The following TPCN1 variants were observed in gnomAD, a reference collection of about 807,000 sequenced individuals.
TPCN1 encodes the protein two pore segment channel 1.
TPCN1 carries 52 observed loss-of-function variants against 108.8 expected under a neutral mutation model. That is an observed-to-expected ratio of 0.48 (90% CI 0.38 to 0.60). TPCN1 has a LOEUF of 0.60. Among genes scored for constraint, TPCN1 ranks in the 20% least tolerant of loss-of-function variants. The pLI is 0.00. For synonymous variants in TPCN1, 446 were observed against 433.7 expected (o/e 1.03, Z -0.35); for missense variants, 806 against 1,072.8 (o/e 0.75, Z 3.47).
Position 113,295,936 on chromosome 12 carries a change from C to T in TPCN1, c.2335-24C>T, listed in dbSNP as rs375868196. 6 of 1,560,722 alleles carry T rather than the reference C, an allele frequency of 3.8e-6. No individual in the cohort carries two copies. The African/African-American group carries it at 6.8e-5, about 18-fold the overall frequency. Reference sequence around the variant, plus strand: ...GCAGGGGGTGGGGTGCAGCCCTCAGCACCCCTTCTGCTCTCTTCTCCAGGA... The same window carrying T: ...GCAGGGGGTGGGGTGCAGCCCTCAGTACCCCTTCTGCTCTCTTCTCCAGGA... On this transcript the variant is annotated intron_variant, in intron 27 of 27. Transcript: ENST00000335509.
In TPCN1 at chr12:113,296,165, C is replaced by A; in HGVS notation, c.*89C>A. 1 of 1,529,852 alleles carries A rather than the reference C, an allele frequency of 6.5e-7. No individual in the cohort carries two copies. The highest frequency in any genetic ancestry group is 8.9e-7 in the Non-Finnish European group (1 of 1,125,318). The allele number at this position is 1,529,852 out of a possible 1,614,324, so 94.8% of individuals were successfully genotyped here. On this transcript the variant is annotated 3_prime_UTR_variant, in exon 28 of 28. Transcript: ENST00000335509. ...CGGAACTGCGGTGTGTGTACACATA[C>A]TCACGTATATGCACATATTTATATA...
At position 113,269,937 on chromosome 12, in the gene TPCN1, C is replaced by T; in HGVS notation, c.748+92C>T. On this transcript the variant is annotated intron_variant, in intron 7 of 27. Coordinates refer to ENST00000335509, the MANE Select transcript of TPCN1 (RefSeq NM_017901.6). The surrounding 1 kb of genome is among the most constrained non-coding windows in gnomAD (Gnocchi z 5.0). ...TTGGGCCTGGCTCAGTGGCTCACGC[C>T]TGTAATCCTAGCATTTTGGGAGGCC... The T allele has an allele frequency of 7.1e-7, 1 of 1,398,744 alleles. No homozygotes were observed. The highest frequency in any genetic ancestry group is 1.0e-6 in the Non-Finnish European group (1 of 1,001,242). The allele number at this position is 1,398,744 out of a possible 1,614,324, so 86.6% of individuals were successfully genotyped here. A position where few individuals can be genotyped will look rare whatever the true frequency, so the allele number is the denominator to read the frequency against.
intron 1 of TPCN1, among the ~76,000 whole-genome samples, chr12:113,224,647 C>T (rs531821731): frequency 2.0e-5 from 3 of 152,318 alleles, no homozygotes; most frequent in South Asian, 2.1e-4. Context: ...CCGCCCGCCT[C>T]GGCCTCCCAA....
chr12:113,260,315 T>C, intron 2 of TPCN1, 53 bp from the exon 3 acceptor site: 1 of 1,457,214 alleles, frequency 6.9e-7, no homozygotes. Context: ...AAACGGTGTC[T>C]TTTTGCTCTT....
intron 18 of TPCN1, among the ~76,000 whole-genome samples, chr12:113,286,463 G>GGGT (rs1956086720): frequency 6.6e-6 from 1 of 152,124 alleles, no homozygotes. Flanking sequence ...GGAGTTGGGA[G>GGGT]GAGCCGACAG....
intron 10 of TPCN1, among the ~76,000 whole-genome samples, chr12:113,274,309 G>T (rs770259625): frequency 6.6e-6 from 1 of 152,054 alleles, no homozygotes; most frequent in Non-Finnish European, 1.5e-5. Flanking sequence ...TTAGCTGGGC[G>T]TGGTGGTGGG....
intron 1 of TPCN1, among the ~76,000 whole-genome samples, chr12:113,225,739 A>G (rs1239260177): frequency 6.6e-6 from 1 of 151,772 alleles, no homozygotes; most frequent in African/African-American, 2.4e-5. Flanking sequence ...AATTTTTGGT[A>G]GAGATGGGTT....
chr12:113,252,666 G>A (rs1954688777), intron 2 of TPCN1, among the ~76,000 whole-genome samples: 1 of 152,226 alleles, frequency 6.6e-6, no homozygotes, highest in African/African-American at 2.4e-5. Flanking sequence ...GGGGCATGTG[G>A]AGGTCGTGGA....
At chr12:113,225,387 C>G (rs1274695169) in intron 1 of TPCN1, 5 of 359,670 alleles carry the variant, frequency 1.4e-5, no homozygotes, top group African/African-American at 1.1e-4. Flanking sequence ...CTTTACAAAA[C>G]TTACAAATAA....
At position 113,232,842 on chromosome 12, in the gene TPCN1, G is replaced by T. The variant is rs1420553272; in HGVS notation, c.112+5878G>T. Among the ~76,000 whole-genome samples the T allele has an allele frequency of 6.6e-6, 1 of 152,184 alleles. No homozygotes were observed. Among genetic ancestry groups the T allele is most frequent in the African/African-American group, 2.4e-5 (1 of 41,448 alleles). On this transcript the variant is annotated intron_variant, in intron 2 of 27. Coordinates refer to ENST00000335509, the MANE Select transcript of TPCN1 (RefSeq NM_017901.6). This position sits in a 1 kb window ranked among gnomAD's most constrained non-coding sequence, Gnocchi z 5.6. Reference sequence around the variant, plus strand: ...AGCAGAGGTCCTGAACCCAGGCCACGATTCAGATCCTTCTTGCCTCACTCC... The same window carrying T: ...AGCAGAGGTCCTGAACCCAGGCCACTATTCAGATCCTTCTTGCCTCACTCC...
chr12:113,280,372 C>T, intron 15 of TPCN1, 177 bp downstream of exon 15: 1 of 502,560 alleles, frequency 2.0e-6, no homozygotes, highest in Non-Finnish European at 3.6e-6. Context: ...GTGCCCATCA[C>T]CCATCTGTAT....
Position 113,289,447 on chromosome 12 carries a change from G to A in TPCN1, c.1796+600G>A, listed in dbSNP as rs1399271484. 1.3e-5 allele frequency among the ~76,000 whole-genome samples: 2 copies of A among 152,218 alleles called. No homozygotes were observed. Among genetic ancestry groups the A allele is most frequent in the Non-Finnish European group, 2.9e-5 (2 of 68,032 alleles). On this transcript the variant is annotated intron_variant, in intron 21 of 27. Transcript: ENST00000335509. This position sits in a 1 kb window ranked among gnomAD's most constrained non-coding sequence, Gnocchi z 4.1. ...GGTAGCTTTGAGACCCAGTTTGAGT[G>A]TCAAGCTTGGTCTGGAACCAGAAGC... is the stretch of plus-strand genomic sequence containing the variant.
rs1955279430 is a variant in TPCN1 at position 113,266,791 on chromosome 12, C to T, written c.414+435C>T. On this transcript the variant is annotated intron_variant, in intron 4 of 27. Transcript: ENST00000335509. The surrounding 1 kb of genome is among the most constrained non-coding windows in gnomAD (Gnocchi z 4.2). The stretch of plus-strand genomic sequence containing the variant: ...CCTACACCCAGGCCCAGCCATCATT[C>T]AGTGGGGGCCAGAACAGGTGTGGAG... Among the ~76,000 whole-genome samples, 1 of 152,236 alleles carries T rather than the reference C, an allele frequency of 6.6e-6. No homozygotes were observed. The highest frequency in any genetic ancestry group is 2.4e-5 in the African/African-American group (1 of 41,460).
intron 14 of TPCN1, among the ~76,000 whole-genome samples, chr12:113,279,381 ATATATATATATTT>A: frequency 4.4e-5 from 1 of 22,504 alleles, no homozygotes; most frequent in African/African-American, 2.5e-4. Flanking sequence ...ATATATATAT[ATATATATATATTT>A]TTTTTTTTTT....
chr12:113,288,528 T>C lies in TPCN1; in HGVS notation c.1707-230T>C, dbSNP rs1196363690. 1.3e-6 allele frequency: 2 copies of C among 1,487,662 alleles called. No individual in the cohort carries two copies. Among genetic ancestry groups the C allele is most frequent in the Non-Finnish European group, 1.8e-6 (2 of 1,120,614 alleles). The allele number at this position is 1,487,662 out of a possible 1,614,324, so 92.2% of individuals were successfully genotyped here. ...TCACCTGTGAGTCTACCTTCACAGG[T>C]AAGGGGTGAATCTCTGGGAAAGGGG... On this transcript the variant is annotated intron_variant, in intron 20 of 27. Coordinates refer to ENST00000335509, the MANE Select transcript of TPCN1 (RefSeq NM_017901.6). The surrounding 1 kb of genome is among the most constrained non-coding windows in gnomAD (Gnocchi z 4.8).
rs1954285635 is a variant in TPCN1, at chr12:113,244,719, G to A, written c.113-15649G>A. 4 of 985,300 alleles carry A rather than the reference G, an allele frequency of 4.1e-6. No homozygotes were observed. The South Asian group carries it at 1.9e-4, about 46-fold the overall frequency. 61.0% of individuals were successfully genotyped at this position (985,300 alleles called of 1,614,324 possible). A position where few individuals can be genotyped will look rare whatever the true frequency, so the allele number is the denominator to read the frequency against. ...CTCGTTGTCATTCTGGTAGGCGCTG[G>A]TTTCCGGAGGGCTCCGAGTGCTTTG... On this transcript the variant is annotated intron_variant, in intron 2 of 27. Transcript: ENST00000335509.
intron 2 of TPCN1, among the ~76,000 whole-genome samples, chr12:113,235,846 C>G (rs1593083143): frequency 6.6e-6 from 1 of 152,042 alleles, no homozygotes; most frequent in East Asian, 1.9e-4. Flanking sequence ...TCCAGATTGG[C>G]TTTAGAGATC....
chr12:113,280,078 A>G lies in TPCN1; in HGVS notation c.1298-73A>G. ...TGGTTGCACCTGCCCAGAAAGAGAT[A>G]ATAATAATTAAGGATACAGTAGGGG... On this transcript the variant is annotated intron_variant, in intron 14 of 27. Transcript: ENST00000335509. 16 of 1,207,046 alleles carry G rather than the reference A, an allele frequency of 1.3e-5. No individual in the cohort carries two copies. In the South Asian group the frequency reaches 1.9e-4, roughly 14 times the overall value. 74.8% of individuals were successfully genotyped at this position (1,207,046 alleles called of 1,614,324 possible).
At chr12:113,244,333 G>A in intron 2 of TPCN1, 2 of 985,524 alleles carry the variant, frequency 2.0e-6, no homozygotes, top group South Asian at 9.4e-5. Context: ...AACTGGGAGG[G>A]CTCTGTGCCA....
Sources: allele counts gnomAD v4.1 joint callset (sites outside exome capture counted in the v4.1 genomes callset), GRCh38; gene constraint gnomAD v4.1.1; non-coding constraint Gnocchi (gnomAD v3.1); transcripts MANE v1.5; gene names NCBI Gene and HGNC (gene_info 2026-07-23, HGNC 2026-07-21).